The following HMCN1 variants were observed in gnomAD, a reference collection of about 807,000 sequenced individuals.
HMCN1 encodes hemicentin-1.
Under a neutral mutation model 625.9 loss-of-function variants are expected in HMCN1, and 321 were observed. That is an observed-to-expected ratio of 0.51 (90% CI 0.47 to 0.56). HMCN1 has a LOEUF of 0.56. HMCN1 is among the 20% of genes least tolerant of loss of function. The probability of loss-of-function intolerance (pLI) is 0.00; values close to 1 mark genes in which losing one functional copy is unlikely to be tolerated. For synonymous variants in HMCN1, 2,425 were observed against 2,417.6 expected (o/e 1.00, Z -0.09); for missense variants, 6,588 against 6,887.3 (o/e 0.96, Z 1.54).
At chr1:185,948,769 T>C (rs2102526458) in intron 11 of HMCN1, among the ~76,000 whole-genome samples, 1 of 151,044 alleles carries the variant, frequency 6.6e-6, no homozygotes, top group African/African-American at 2.4e-5. Flanking sequence ...TAAAACAAAA[T>C]AGTGTTGAAG....
rs563606340 is a variant in HMCN1 at position 185,813,041 on chromosome 1, T to C, written c.269-32985T>C. ...ATTGAAGTGATAGTGACTACCTAAA[T>C]AGATACTTGTTCAACTTTTGTTCCT... is the stretch of plus-strand genomic sequence containing the variant. On this transcript the variant is annotated intron_variant, in intron 1 of 106. Transcript: ENST00000271588. 3.9e-5 allele frequency among the ~76,000 whole-genome samples: 6 copies of C among 152,284 alleles called. No homozygotes were observed. In the East Asian group the frequency reaches 1.2e-3, roughly 29 times the overall value.
chr1:186,115,099 T>C (rs952694575), intron 74 of HMCN1, among the ~76,000 whole-genome samples, 153 bp downstream of exon 74: 1 of 152,218 alleles, frequency 6.6e-6, no homozygotes, highest in Non-Finnish European at 1.5e-5. Flanking sequence ...CTCCTTAGTA[T>C]AGTTAATATC....
At chr1:186,007,336 A>G (rs1653709168) in intron 30 of HMCN1, 54 bp downstream of exon 30, 1 of 1,542,160 alleles carries the variant, frequency 6.5e-7, no homozygotes, top group Non-Finnish European at 9.0e-7. Context: ...TAAGTTGACA[A>G]GCAGGGTTTA....
intron 4 of HMCN1, among the ~76,000 whole-genome samples, chr1:185,903,066 A>G (rs1665905256): frequency 1.3e-5 from 2 of 151,678 alleles, no homozygotes; most frequent in Admixed American, 1.3e-4. Flanking sequence ...AATAAAACAT[A>G]TTTTTCTGGC....
chr1:186,022,608 A>G (rs1654794931), intron 35 of HMCN1, among the ~76,000 whole-genome samples: 1 of 152,156 alleles, frequency 6.6e-6, no homozygotes, highest in Non-Finnish European at 1.5e-5. Flanking sequence ...CATAATTCAT[A>G]TTTTATAATT....
At chr1:185,912,157 G>A (rs751992574) in intron 6 of HMCN1, among the ~76,000 whole-genome samples, 2 of 152,144 alleles carry the variant, frequency 1.3e-5, no homozygotes, top group African/African-American at 2.4e-5. Flanking sequence ...TTAACACCAC[G>A]CCTTAACGGC....
chr1:185,797,174 CA>C (rs1407625033), intron 1 of HMCN1, among the ~76,000 whole-genome samples: 7 of 152,174 alleles, frequency 4.6e-5, no homozygotes, highest in Non-Finnish European at 8.8e-5. Context: ...GTCCTTTGCT[CA>C]TTTTTGTTAA....
At position 186,151,599 on chromosome 1, in the gene HMCN1, T is replaced by G; in HGVS notation, c.14759-7T>G. 3 of 1,610,600 alleles carry G rather than the reference T, an allele frequency of 1.9e-6. No homozygotes were observed. The highest frequency in any genetic ancestry group is 2.5e-6 in the Non-Finnish European group (3 of 1,177,716). On this transcript the variant is annotated splice_region_variant and splice_polypyrimidine_tract_variant and intron_variant, in intron 94 of 106. Coordinates refer to ENST00000271588, the MANE Select transcript of HMCN1 (RefSeq NM_031935.3). ...CTATCACCTTATTTATCCTTTTTTT[T>G]CTTTAGGTTCAGCAATGAGAAAGAT...
At chr1:186,048,015 A>G (rs767501985) in intron 41 of HMCN1, among the ~76,000 whole-genome samples, 1 of 152,096 alleles carries the variant, frequency 6.6e-6, no homozygotes, top group Non-Finnish European at 1.5e-5. Flanking sequence ...TATCTTTTGT[A>G]TTATCTTGTG....
chr1:186,112,819 C>G lies in HMCN1; in HGVS notation c.10997C>G (p.Pro3666Arg), dbSNP rs757296431. Residue 3666 changes from proline (P) to arginine (R), a missense_variant, in exon 72 of 107, where the codon CCT (proline) becomes CGT (arginine). Around this residue, in one of 3 missense-constraint regions of HMCN1, gnomAD observed 4,628 missense variants for 4,853.1 expected, o/e 0.95. Coordinates refer to ENST00000271588, the MANE Select transcript of HMCN1 (RefSeq NM_031935.3). ...TTTACTTGCTGAATCCAGGCAACAC[C>G]TCGAGTGCGAATCCTATCTGGAGGG... Reference protein sequence around the residue: ...LRNGERLQATPRVRILSGGRY... With the variant: ...LRNGERLQATRRVRILSGGRY... 3 of 1,614,126 alleles carry G rather than the reference C, an allele frequency of 1.9e-6. No individual in the cohort carries two copies. The Admixed American group carries it at 5.0e-5, about 27-fold the overall frequency.
Position 186,069,676 on chromosome 1 carries a change from G to A in HMCN1, c.7893G>A (p.Leu2631=). The A allele has an allele frequency of 6.2e-7, 1 of 1,611,636 alleles. No homozygotes were observed. Among genetic ancestry groups the A allele is most frequent in the South Asian group, 1.1e-5 (1 of 90,362 alleles). ...NIRILPGGRT[L]QILNAQEDNA... ...ATGATTTTACAGGAGGCAGAACTCT[G>A]CAGATCCTCAATGCACAGGAGGACA... Residue 2631 remains leucine, a synonymous_variant, in exon 51 of 107, where the codon CTG becomes CTA. Transcript: ENST00000271588.
chr1:186,062,576 G>A lies in HMCN1; in HGVS notation c.7489G>A (p.Val2497Ile), dbSNP rs766777500. ...EDVKVKEKQSVTLTCEVTGNP... is the reference protein window; with the variant it reads ...EDVKVKEKQSITLTCEVTGNP... Reference sequence around the variant, plus strand: ...TGTGAAGGTAAAAGAGAAACAGAGTGTTACGCTGACTTGTGAAGTGACAGG... The same window carrying A: ...TGTGAAGGTAAAAGAGAAACAGAGTATTACGCTGACTTGTGAAGTGACAGG... The change falls in exon 48 of 107, where the codon GTT becomes ATT. Residue 2497 changes from valine (V) to isoleucine (I), a missense_variant. Coordinates refer to ENST00000271588, the MANE Select transcript of HMCN1 (RefSeq NM_031935.3). The A allele has an allele frequency of 7.4e-6, 12 of 1,612,334 alleles. No homozygotes were observed. The East Asian group carries it at 2.5e-4, about 33-fold the overall frequency.
chr1:186,136,552 A>G, intron 86 of HMCN1, 116 bp from the exon 87 acceptor site: 2 of 905,788 alleles, frequency 2.2e-6, no homozygotes, highest in Non-Finnish European at 3.6e-6. Flanking sequence ...GGGAAGCAAC[A>G]GTGTTTTATA....
chr1:185,987,177 TAG>T (rs1044788630), intron 19 of HMCN1, among the ~76,000 whole-genome samples: 14 of 152,176 alleles, frequency 9.2e-5, no homozygotes, highest in Admixed American at 7.2e-4. Context: ...TTATTTTTGT[TAG>T]GAAAGTCAGC....
At chr1:185,747,925 A>G (rs1654528206) in intron 1 of HMCN1, among the ~76,000 whole-genome samples, 1 of 152,118 alleles carries the variant, frequency 6.6e-6, no homozygotes, top group Non-Finnish European at 1.5e-5. Context: ...ATTACCACCA[A>G]AAGTGTGTCA....
rs958282885 is a variant in HMCN1, at chr1:186,190,634, T to C, written c.*756T>C. 1.6e-5 allele frequency: 3 copies of C among 192,578 alleles called. No individual in the cohort carries two copies. The allele number at this position is 192,578 out of a possible 1,614,324, so 11.9% of individuals were successfully genotyped here. A position where few individuals can be genotyped will look rare whatever the true frequency, so the allele number is the denominator to read the frequency against. ...ACTTTCATCCAGTTAGCTTCATAACTTTTACGTTCCAGAATTTTGTTTATT... is the reference window on the plus strand; with the variant it reads ...ACTTTCATCCAGTTAGCTTCATAACCTTTACGTTCCAGAATTTTGTTTATT... On this transcript the variant is annotated 3_prime_UTR_variant, in exon 107 of 107. Transcript: ENST00000271588.
At chr1:186,104,752 T>C (rs1040129550) in intron 69 of HMCN1, among the ~76,000 whole-genome samples, 1 of 152,232 alleles carries the variant, frequency 6.6e-6, no homozygotes, top group Non-Finnish European at 1.5e-5. Flanking sequence ...CTCAGCACAG[T>C]GCATTTCTAG....
intron 52 of HMCN1, among the ~76,000 whole-genome samples, chr1:186,072,197 C>G (rs2102347707): frequency 6.6e-6 from 1 of 152,052 alleles, no homozygotes; most frequent in South Asian, 2.1e-4. Flanking sequence ...TTCAGATGAG[C>G]AATACTAAAG....
chr1:186,000,730 C>G (rs1653137812), intron 26 of HMCN1, among the ~76,000 whole-genome samples: 1 of 151,976 alleles, frequency 6.6e-6, no homozygotes, highest in South Asian at 2.1e-4. Flanking sequence ...ACTAAACAAT[C>G]TATCTTGGAT....
Sources: allele counts gnomAD v4.1 joint callset (sites outside exome capture counted in the v4.1 genomes callset), GRCh38; gene constraint gnomAD v4.1.1; regional missense constraint gnomAD v4.1.1; transcripts MANE v1.5; gene names NCBI Gene and HGNC (gene_info 2026-07-23, HGNC 2026-07-21).